The following AGTR1 variants were observed in gnomAD, a reference collection of about 807,000 sequenced individuals.
The protein encoded by AGTR1 is type-1 angiotensin II receptor.
Under a neutral mutation model 19.4 loss-of-function variants are expected in AGTR1, and 16 were observed. The ratio of observed to expected loss-of-function variants is 0.82; its 90% CI spans 0.56 to 1.25. AGTR1 has a LOEUF of 1.25. Among genes scored for constraint, AGTR1 ranks in the 50% most tolerant of loss-of-function variants. The probability of loss-of-function intolerance (pLI) is 0.00; values close to 1 mark genes in which losing one functional copy is unlikely to be tolerated. For synonymous variants in AGTR1, 153 were observed against 154.9 expected, an observed-to-expected ratio of 0.99 and a Z score of 0.09; for missense variants, 373 against 431.9, an observed-to-expected ratio of 0.86 and a Z score of 1.21.
In AGTR1 at chr3:148,704,365, C is replaced by T. The variant is rs187214631; in HGVS notation, c.-131-3579C>T. On this transcript the variant is annotated intron_variant, in intron 1 of 2. Transcript: ENST00000349243. ...TGAGCAACAGAGAAAGACCCTGTCTCGAATAATAATAATAATAATAACAAC... is the reference window on the plus strand; with the variant it reads ...TGAGCAACAGAGAAAGACCCTGTCTTGAATAATAATAATAATAATAACAAC... Among the ~76,000 whole-genome samples the T allele has an allele frequency of 1.6e-3, 178 of 113,044 alleles. 3 individuals carry two copies. Among genetic ancestry groups the T allele is most frequent in the African/African-American group, 7.9e-3 (164 of 20,714 alleles). 74.2% of individuals were successfully genotyped at this position (113,044 alleles called of 152,430 possible). A position where few individuals can be genotyped will look rare whatever the true frequency, so the allele number is the denominator to read the frequency against.
intron 2 of AGTR1, among the ~76,000 whole-genome samples, chr3:148,736,396 TAATGGC>T (rs1159105588): frequency 6.6e-6 from 1 of 152,242 alleles, no homozygotes; most frequent in East Asian, 1.9e-4. Flanking sequence ...TTTAGACTTT[TAATGGC>T]AATGGAAGGA....
rs1004522558 is a variant in AGTR1 at position 148,742,455 on chromosome 3, G to A, written c.*340G>A. ...CTGTTATTTTTTATTTCCACATAAA[G>A]GTATTTAGAATATATTAAATCGTTA... On this transcript the variant is annotated 3_prime_UTR_variant, in exon 3 of 3. Transcript: ENST00000349243. 2.5e-6 allele frequency: 1 copy of A among 403,670 alleles called. No individual in the cohort carries two copies. Among genetic ancestry groups the A allele is most frequent in the Non-Finnish European group, 4.9e-6 (1 of 204,566 alleles). 25.0% of individuals were successfully genotyped at this position (403,670 alleles called of 1,614,324 possible). A position where few individuals can be genotyped will look rare whatever the true frequency, so the allele number is the denominator to read the frequency against.
intron 2 of AGTR1, among the ~76,000 whole-genome samples, chr3:148,739,360 GA>G (rs869112085): frequency 0.11 from 12,232 of 114,782 alleles, 1,692 homozygotes; most frequent in African/African-American, 0.34. Context: ...CTCTGTCTCA[GA>G]AAAAAAAAAA....
intron 2 of AGTR1, among the ~76,000 whole-genome samples, chr3:148,724,327 A>G (rs1713811296): frequency 6.6e-6 from 1 of 152,190 alleles, no homozygotes; most frequent in Non-Finnish European, 1.5e-5. Context: ...GACCATAACA[A>G]CAATAGAATG....
At chr3:148,732,173 T>A (rs1714293793) in intron 2 of AGTR1, among the ~76,000 whole-genome samples, 1 of 152,250 alleles carries the variant, frequency 6.6e-6, no homozygotes, top group Admixed American at 6.5e-5. Flanking sequence ...ACTCTCTAAC[T>A]TCATGGCAAG....
chr3:148,741,221 G>T lies in AGTR1; in HGVS notation c.186G>T (p.Val62=). 6.2e-7 allele frequency: 1 copy of T among 1,614,092 alleles called. No homozygotes were observed. Among genetic ancestry groups the T allele is most frequent in the Non-Finnish European group, 8.5e-7 (1 of 1,180,028 alleles). ...ACTTTTATATGAAGCTGAAGACTGTGGCCAGTGTTTTTCTTTTGAATTTAG... is the reference window on the plus strand; with the variant it reads ...ACTTTTATATGAAGCTGAAGACTGTTGCCAGTGTTTTTCTTTTGAATTTAG... ...VIYFYMKLKT[V]ASVFLLNLAL... Residue 62 remains valine (V), a synonymous_variant, in exon 3 of 3, where the codon GTG becomes GTT. Coordinates refer to ENST00000349243, the MANE Select transcript of AGTR1 (RefSeq NM_000685.5).
intron 2 of AGTR1, among the ~76,000 whole-genome samples, chr3:148,733,070 C>A (rs1022660518): frequency 2.6e-5 from 4 of 152,076 alleles, no homozygotes; most frequent in African/African-American, 9.7e-5. Flanking sequence ...ATAACCAACT[C>A]CCCGAGGATA....
intron 2 of AGTR1, among the ~76,000 whole-genome samples, chr3:148,730,849 G>T (rs1714215373): frequency 6.6e-6 from 1 of 152,144 alleles, no homozygotes; most frequent in Non-Finnish European, 1.5e-5. Flanking sequence ...CAGAACCATT[G>T]CTAGAGGGGC....
chr3:148,707,217 G>T (rs939298790), intron 1 of AGTR1, among the ~76,000 whole-genome samples: 2 of 151,920 alleles, frequency 1.3e-5, no homozygotes, highest in Non-Finnish European at 2.9e-5. Flanking sequence ...ATACTATGAT[G>T]TACAAAAAGA....
At position 148,724,427 on chromosome 3, in the gene AGTR1, A is replaced by G. The variant is rs2107951931; in HGVS notation, c.-48+16400A>G. ...ATCTCTGACTTACAAGGAAAACAAA[A>G]GACTGTAGAGAATAGTAGTTCAACC... On this transcript the variant is annotated intron_variant, in intron 2 of 2. Transcript: ENST00000349243. 1.3e-5 allele frequency among the ~76,000 whole-genome samples: 2 copies of G among 152,366 alleles called. 1 individual carries two copies. The highest frequency in any genetic ancestry group is 4.1e-4 in the South Asian group (2 of 4,826).
At chr3:148,740,096 A>G (rs371452680) in intron 2 of AGTR1, 1 of 845,476 alleles carries the variant, frequency 1.2e-6, no homozygotes, top group Admixed American at 4.4e-5. Flanking sequence ...CAGAGCAAAT[A>G]TTTGCATGGC....
At chr3:148,709,710 G>T (rs189530014) in intron 2 of AGTR1, among the ~76,000 whole-genome samples, 184 of 152,130 alleles carry the variant, frequency 1.2e-3, no homozygotes, top group Non-Finnish European at 2.0e-3. Context: ...TTCACAAAAG[G>T]ACCTTCTGAA....
At chr3:148,739,913 C>T in intron 2 of AGTR1, 1 of 1,231,872 alleles carries the variant, frequency 8.1e-7, no homozygotes, top group Non-Finnish European at 1.0e-6. Context: ...CTGGCCTGTG[C>T]CCAATGCTGA....
At chr3:148,740,138 TC>T (rs1714789816) in intron 2 of AGTR1, among the ~76,000 whole-genome samples, 1 of 152,348 alleles carries the variant, frequency 6.6e-6, no homozygotes, top group South Asian at 2.1e-4. Context: ...CATCTGATTC[TC>T]CCCAGAATTC....
chr3:148,720,656 C>T (rs1458914721), intron 2 of AGTR1, among the ~76,000 whole-genome samples: 5 of 152,108 alleles, frequency 3.3e-5, no homozygotes, highest in Admixed American at 1.3e-4. Flanking sequence ...TGCCTCGTAC[C>T]GGTTTGGCCT....
intron 2 of AGTR1, among the ~76,000 whole-genome samples, chr3:148,712,742 G>C (rs1407352845): frequency 1.3e-5 from 2 of 152,128 alleles, no homozygotes; most frequent in Non-Finnish European, 2.9e-5. Context: ...AATCATAAGA[G>C]CATCTCATGT....
intron 2 of AGTR1, among the ~76,000 whole-genome samples, chr3:148,708,775 G>A (rs868795655): frequency 2.6e-5 from 4 of 152,076 alleles, no homozygotes; most frequent in African/African-American, 7.2e-5. Flanking sequence ...ATTTCCCCAC[G>A]CCCCTCCTTA....
rs1338867559 is a variant in AGTR1, at chr3:148,742,776, G to A, written c.*661G>A. The A allele has an allele frequency of 5.9e-6, 1 of 169,720 alleles. No individual in the cohort carries two copies. Among genetic ancestry groups the A allele is most frequent in the Non-Finnish European group, 1.4e-5 (1 of 69,904 alleles). The allele number at this position is 169,720 out of a possible 1,614,324, so 10.5% of individuals were successfully genotyped here. On this transcript the variant is annotated 3_prime_UTR_variant, in exon 3 of 3. Transcript: ENST00000349243. ...AAACTACTTGTAAAGGTGCTGCACTGGTCCCAAGTAGTAGTGTCTTCCTAG... is the reference window on the plus strand; with the variant it reads ...AAACTACTTGTAAAGGTGCTGCACTAGTCCCAAGTAGTAGTGTCTTCCTAG...
At chr3:148,702,111 G>A (rs544270121) in intron 1 of AGTR1, among the ~76,000 whole-genome samples, 45 of 151,744 alleles carry the variant, frequency 3.0e-4, no homozygotes, top group African/African-American at 1.0e-3. Context: ...CTTAGTAGCT[G>A]GGATTACAGG....
Sources: allele counts gnomAD v4.1 joint callset (sites outside exome capture counted in the v4.1 genomes callset), GRCh38; gene constraint gnomAD v4.1.1; transcripts MANE v1.5; gene names NCBI Gene and HGNC (gene_info 2026-07-23, HGNC 2026-07-21).